Variants in POMK observed in about 807,000 individuals in gnomAD.
The protein encoded by POMK is protein O-mannose kinase.
In POMK, 19 loss-of-function variants were observed where a neutral mutation model predicts 23.0. The observed-to-expected ratio is 0.83, with a 90% CI of 0.58 to 1.21. POMK has a LOEUF of 1.21. Among genes scored for constraint, POMK ranks in the 50% most tolerant of loss-of-function variants. The pLI, the probability that POMK is intolerant of heterozygous loss-of-function variation, is 0.00. For missense variants in POMK, 410 were observed against 431.3 expected, an observed-to-expected ratio of 0.95 and a Z score of 0.44; for synonymous variants, 173 against 171.6, an observed-to-expected ratio of 1.01 and a Z score of -0.06.
chr8:43,114,262 C>T (rs1811745522), intron 4 of POMK, among the ~76,000 whole-genome samples: 2 of 152,240 alleles, frequency 1.3e-5, no homozygotes, highest in Non-Finnish European at 2.9e-5. Flanking sequence ...GTGGGCTCCA[C>T]CCAGTTAGAG....
intron 4 of POMK, among the ~76,000 whole-genome samples, chr8:43,119,430 C>T (rs899050259): frequency 7.0e-6 from 1 of 142,940 alleles, no homozygotes; most frequent in Non-Finnish European, 1.5e-5. Flanking sequence ...GAGTGAAAAA[C>T]AGCTTTTTTT....
rs1398277922 is a variant in POMK, at chr8:43,104,059, C to T, written c.282+229C>T. Among the ~76,000 whole-genome samples the T allele has an allele frequency of 2.0e-5, 3 of 152,118 alleles. No individual in the cohort carries two copies. The East Asian group carries it at 5.8e-4, about 29-fold the overall frequency. ...TTCAGCCCTTAGGGAAGCAGTGTGG[C>T]ATCCAGTGTTAGGAGCCCTGCTAGC... is the stretch of plus-strand genomic sequence containing the variant. On this transcript the variant is annotated intron_variant, in intron 4 of 4. Coordinates refer to ENST00000331373, the MANE Select transcript of POMK (RefSeq NM_032237.5).
At chr8:43,101,640 G>T (rs962530917) in intron 2 of POMK, among the ~76,000 whole-genome samples, 53 of 152,138 alleles carry the variant, frequency 3.5e-4, no homozygotes, top group African/African-American at 1.1e-3. Context: ...TTATCTGAAG[G>T]TCTGCCCTGT....
At chr8:43,097,184 A>G (rs1460876318) in intron 1 of POMK, among the ~76,000 whole-genome samples, 1 of 152,256 alleles carries the variant, frequency 6.6e-6, no homozygotes, top group Non-Finnish European at 1.5e-5. Flanking sequence ...GCATGCATCC[A>G]AATCACCTAG....
intron 4 of POMK, among the ~76,000 whole-genome samples, chr8:43,112,002 C>G (rs972087379): frequency 1.3e-5 from 2 of 152,188 alleles, no homozygotes; most frequent in African/African-American, 4.8e-5. Context: ...CTCTAAAAAT[C>G]AGAGCGCCTC....
At chr8:43,100,101 G>A (rs112316155) in intron 2 of POMK, among the ~76,000 whole-genome samples, 1,822 of 152,294 alleles carry the variant, frequency 0.012, 34 homozygotes, top group African/African-American at 0.041. Context: ...GACCTGGCCC[G>A]GGGCAGGGAG....
At chr8:43,116,900 G>A (rs1262319568) in intron 4 of POMK, among the ~76,000 whole-genome samples, 2 of 152,148 alleles carry the variant, frequency 1.3e-5, no homozygotes, top group Non-Finnish European at 2.9e-5. Context: ...CGAAAAGAGA[G>A]TCAGCCAAGG....
At chr8:43,113,611 G>A (rs986600456) in intron 4 of POMK, among the ~76,000 whole-genome samples, 6 of 152,194 alleles carry the variant, frequency 3.9e-5, no homozygotes, top group Middle Eastern at 3.2e-3. Flanking sequence ...CTCTGAACTC[G>A]TCAAAGTCAT....
chr8:43,112,313 A>G (rs1230033828), intron 4 of POMK, among the ~76,000 whole-genome samples: 1 of 152,256 alleles, frequency 6.6e-6, no homozygotes, highest in Non-Finnish European at 1.5e-5. Context: ...AAGATAGGGT[A>G]TCAGTGATGG....
At chr8:43,105,093 T>C (rs1196057022) in intron 4 of POMK, among the ~76,000 whole-genome samples, 1 of 152,240 alleles carries the variant, frequency 6.6e-6, no homozygotes, top group East Asian at 1.9e-4. Flanking sequence ...ATTTATGGGG[T>C]ACACAGTGAT....
intron 4 of POMK, among the ~76,000 whole-genome samples, chr8:43,115,703 C>G (rs1219408253): frequency 6.6e-6 from 1 of 152,248 alleles, no homozygotes; most frequent in Non-Finnish European, 1.5e-5. Context: ...ATTCTGAACA[C>G]AGCACTCAGA....
At chr8:43,106,425 A>G (rs1269322054) in intron 4 of POMK, among the ~76,000 whole-genome samples, 5 of 148,318 alleles carry the variant, frequency 3.4e-5, no homozygotes, top group Middle Eastern at 7.2e-3. Flanking sequence ...TTCTCCCATT[A>G]TGTAGTTTGT....
intron 2 of POMK, among the ~76,000 whole-genome samples, chr8:43,099,265 T>A (rs1296464489): frequency 6.6e-6 from 1 of 152,252 alleles, no homozygotes; most frequent in Non-Finnish European, 1.5e-5. Context: ...TGCACATTTT[T>A]AAATTGAGTT....
At chr8:43,118,898 G>A (rs533030106) in intron 4 of POMK, among the ~76,000 whole-genome samples, 10 of 152,066 alleles carry the variant, frequency 6.6e-5, no homozygotes, top group African/African-American at 1.4e-4. Flanking sequence ...CCGCCTCCAC[G>A]GTTCATGCCA....
chr8:43,110,338 G>C lies in POMK; in HGVS notation c.282+6508G>C, dbSNP rs142557405. On this transcript the variant is annotated intron_variant, in intron 4 of 4. Coordinates refer to ENST00000331373, the MANE Select transcript of POMK (RefSeq NM_032237.5). ...AGAAGGTCTGACTGTTTCCAGTGTAGCTAGGGAGTGTGGCTAACTCCACAT... is the reference window on the plus strand; with the variant it reads ...AGAAGGTCTGACTGTTTCCAGTGTACCTAGGGAGTGTGGCTAACTCCACAT... Among the ~76,000 whole-genome samples, 748 of 152,320 alleles carry C rather than the reference G, an allele frequency of 4.9e-3. 7 individuals are homozygous for C. Among genetic ancestry groups the C allele is most frequent in the Middle Eastern group, 0.01 (3 of 294 alleles).
chr8:43,103,822 G>A lies in POMK; in HGVS notation c.274G>A (p.Val92Ile). The change falls in exon 4 of 5, where the codon GTA (valine) becomes ATA (isoleucine). Residue 92 changes from valine to isoleucine, a missense_variant. Val to Ile is a conservative substitution (Grantham distance 29). Transcript: ENST00000331373. ...RQLKRVGEGA[V>I]KRVFLSEWKE... ...GCTGAAGCGTGTTGGGGAAGGAGCT[G>A]TAAAGAGAGTGAGTCCGGGTTCATT... is the stretch of plus-strand genomic sequence containing the variant. 6.2e-7 allele frequency: 1 copy of A among 1,614,118 alleles called. No individual in the cohort carries two copies. Among genetic ancestry groups the A allele is most frequent in the Non-Finnish European group, 8.5e-7 (1 of 1,179,950 alleles).
chr8:43,102,870 G>A (rs1005484345), intron 3 of POMK, among the ~76,000 whole-genome samples: 1 of 152,198 alleles, frequency 6.6e-6, no homozygotes, highest in African/African-American at 2.4e-5. Context: ...TCGCTGGTGT[G>A]ACATCTGAGT....
chr8:43,098,254 C>T (rs1443760269), intron 2 of POMK, among the ~76,000 whole-genome samples: 1 of 152,032 alleles, frequency 6.6e-6, no homozygotes, highest in Non-Finnish European at 1.5e-5. Flanking sequence ...AAAAAGAGAC[C>T]CCATCCCTGT....
intron 4 of POMK, among the ~76,000 whole-genome samples, chr8:43,121,004 T>C (rs1361505720): frequency 6.6e-6 from 1 of 152,210 alleles, no homozygotes; most frequent in Non-Finnish European, 1.5e-5. Flanking sequence ...AAAAATGTTT[T>C]GTAGAGATGG....
Sources: allele counts gnomAD v4.1 joint callset (sites outside exome capture counted in the v4.1 genomes callset), GRCh38; gene constraint gnomAD v4.1.1; transcripts MANE v1.5; gene names NCBI Gene and HGNC (gene_info 2026-07-23, HGNC 2026-07-21).